The following ADH5 variants were observed in gnomAD, a reference collection of about 807,000 sequenced individuals.
The protein encoded by ADH5 is alcohol dehydrogenase 5 (class III), chi polypeptide.
ADH5 carries 32 observed loss-of-function variants against 40.3 expected under a neutral mutation model. The observed-to-expected ratio is 0.79, with a 90% confidence interval of 0.60 to 1.07. The LOEUF (loss-of-function observed/expected upper bound fraction) is 1.07. Ranked by LOEUF, ADH5 falls within the 50% of genes least tolerant of loss-of-function variation. The pLI is 0.00. For missense variants in ADH5, 353 were observed against 460.5 expected, an observed-to-expected ratio of 0.77 and a Z score of 2.14; for synonymous variants, 125 against 154.3, an observed-to-expected ratio of 0.81 and a Z score of 1.41.
chr4:99,085,473 C>T (rs1560756614), intron 1 of ADH5: 1 of 346,236 alleles, frequency 2.9e-6, no homozygotes, highest in Non-Finnish European at 5.3e-6. Flanking sequence ...TATTTAATGG[C>T]CTTCTACAGT....
In ADH5 at chr4:99,071,631, A is replaced by C. The variant is rs545507335; in HGVS notation, c.*786T>G. 2.6e-5 allele frequency: 4 copies of C among 152,382 alleles called. No individual in the cohort carries two copies. The highest frequency in any genetic ancestry group is 1.9e-4 in the East Asian group (1 of 5,194). 9.4% of individuals were successfully genotyped at this position (152,382 alleles called of 1,614,324 possible). ...GGTTATACACAGTGAAAGTACAACA[A>C]CACAGGAATGATAAACATCAAATTG... On this transcript the variant is annotated 3_prime_UTR_variant, in exon 9 of 9. Transcript: ENST00000296412.
At position 99,076,311 on chromosome 4, in the gene ADH5, A is replaced by G. The variant is rs1281376624; in HGVS notation, c.806T>C (p.Ile269Thr). The G allele has an allele frequency of 6.2e-7, 1 of 1,613,936 alleles. No individual in the cohort carries two copies. The highest frequency in any genetic ancestry group is 2.2e-5 in the East Asian group (1 of 44,904). Reference sequence around the variant, plus strand: ...ACTCACCATGACCTTCACATTACCAATACATTCAAAGGAATAGTCCACTCC... The same window carrying G: ...ACTCACCATGACCTTCACATTACCAGTACATTCAAAGGAATAGTCCACTCC... ...DGGVDYSFEC[I>T]GNVKVMRAAL... The change falls in exon 6 of 9, where the codon ATT (isoleucine) becomes ACT (threonine). Residue 269 changes from isoleucine to threonine, a missense_variant. By Grantham distance (89) the Ile-to-Thr change is moderately conservative (BLOSUM62 -1). Transcript: ENST00000296412.
rs753675405 is a variant in ADH5 at position 99,085,155 on chromosome 4, A to G, written c.74T>C (p.Ile25Thr). Residue 25 changes from isoleucine (I) to threonine (T), a missense_variant, in exon 2 of 9, where the codon ATA becomes ACA. Coordinates refer to ENST00000296412, the MANE Select transcript of ADH5 (RefSeq NM_000671.4). The part of the protein sequence containing the change: ...EAGKPLSIEE[I>T]EVAPPKAHEV... ...ATGAGCCTTTGGGGGTGCCACCTCT[A>G]TCTCCTCTATGGAGAGAGGCTTTCC... The G allele has an allele frequency of 2.6e-6, 4 of 1,550,604 alleles. No individual in the cohort carries two copies. The highest frequency in any genetic ancestry group is 2.3e-5 in the East Asian group (1 of 42,848).
chr4:99,075,679 A>G (rs527849430), intron 6 of ADH5: 1 of 152,538 alleles, frequency 6.6e-6, no homozygotes, highest in Non-Finnish European at 1.5e-5. Context: ...CTGAGTGTCT[A>G]TGTAGGTTTA....
rs901660741 is a variant in ADH5, at chr4:99,071,376, G to A, written c.*1041C>T. 5.3e-5 allele frequency: 8 copies of A among 152,224 alleles called. No individual in the cohort carries two copies. The highest frequency in any genetic ancestry group is 9.6e-5 in the African/African-American group (4 of 41,456). The allele number at this position is 152,224 out of a possible 1,614,324, so 9.4% of individuals were successfully genotyped here. On this transcript the variant is annotated 3_prime_UTR_variant, in exon 9 of 9. Coordinates refer to ENST00000296412, the MANE Select transcript of ADH5 (RefSeq NM_000671.4). ...AACACGCAGTGAGCCCAATGCAGAAGAATGTTCCACTACAGTGTTATAATA... is the reference window on the plus strand; with the variant it reads ...AACACGCAGTGAGCCCAATGCAGAAAAATGTTCCACTACAGTGTTATAATA...
chr4:99,076,205 T>C lies in ADH5; in HGVS notation c.825+87A>G. ...AAATTCTTATTAAGAGACTTTTCCT[T>C]TGCCAAAACAAAACAATTTTTAATC... is the stretch of plus-strand genomic sequence containing the variant. On this transcript the variant is annotated intron_variant, in intron 6 of 8. Coordinates refer to ENST00000296412, the MANE Select transcript of ADH5 (RefSeq NM_000671.4). 5 of 1,442,116 alleles carry C rather than the reference T, an allele frequency of 3.5e-6. No individual in the cohort carries two copies. The South Asian group carries it at 6.7e-5, about 19-fold the overall frequency. 89.3% of individuals were successfully genotyped at this position (1,442,116 alleles called of 1,614,324 possible).
rs17595424 is a variant in ADH5, at chr4:99,072,718, G to T, written c.962-7C>A. ...CTTTCTACACTCTTCCATCCTAAAA[G>T]AAATCACACATTAATTTATTCAACA... On this transcript the variant is annotated splice_polypyrimidine_tract_variant and splice_region_variant and intron_variant, in intron 7 of 8. Transcript: ENST00000296412. 144,941 of 1,597,514 alleles carry T rather than the reference G, an allele frequency of 0.091. 7,401 individuals are homozygous for T. The highest frequency in any genetic ancestry group is 0.1 in the Non-Finnish European group (120,078 of 1,173,672).
rs779584651 is a variant in ADH5 at position 99,076,473 on chromosome 4, C to T, written c.644G>A (p.Gly215Asp). Residue 215 changes from glycine (G) to aspartate (D), a missense_variant, in exon 6 of 9, where the codon GGT (glycine) becomes GAT (aspartate). Transcript: ENST00000296412. The part of the protein sequence containing the change: ...LAVIMGCKVA[G>D]ASRIIGVDIN... ...GTCCACACCAATGATCCGGGAAGCA[C>T]CAGCCACTTTACAGCCCATGATAAC... 1 of 1,614,058 alleles carries T rather than the reference C, an allele frequency of 6.2e-7. No homozygotes were observed. The highest frequency in any genetic ancestry group is 1.3e-5 in the African/African-American group (1 of 74,932).
At chr4:99,074,839 T>C (rs78862459) in intron 7 of ADH5, 75 bp downstream of exon 7, 1 of 1,457,036 alleles carries the variant, frequency 6.9e-7, no homozygotes, top group Non-Finnish European at 9.2e-7. Context: ...TAAAAAAAAT[T>C]AGGTGGCTGG....
intron 6 of ADH5, chr4:99,075,568 A>C (rs954022218): frequency 6.6e-6 from 1 of 152,206 alleles, no homozygotes; most frequent in African/African-American, 2.4e-5. Flanking sequence ...AATAATTTGA[A>C]GTGTTTATTT....
rs546385529 is a variant in ADH5 at position 99,071,312 on chromosome 4, A to G, written c.*1105T>C. ...TTTGAAGAGCAATTTGGCAATGTCT[A>G]TAAGGCTAAATGTGTTTATTCTGTG... On this transcript the variant is annotated 3_prime_UTR_variant, in exon 9 of 9. Transcript: ENST00000296412. 1.3e-5 allele frequency: 2 copies of G among 152,382 alleles called. No individual in the cohort carries two copies. The highest frequency in any genetic ancestry group is 4.8e-5 in the African/African-American group (2 of 41,594). 9.4% of individuals were successfully genotyped at this position (152,382 alleles called of 1,614,324 possible).
intron 4 of ADH5, among the ~76,000 whole-genome samples, chr4:99,077,148 C>G (rs1003762328): frequency 6.6e-6 from 1 of 152,158 alleles, no homozygotes; most frequent in African/African-American, 2.4e-5. Context: ...CACTATCCTT[C>G]TAGATCATAC....
At chr4:99,082,276 T>A (rs1560755428) in intron 2 of ADH5, among the ~76,000 whole-genome samples, 160 bp from the exon 3 acceptor site, 1 of 152,202 alleles carries the variant, frequency 6.6e-6, no homozygotes, top group Non-Finnish European at 1.5e-5. Flanking sequence ...GTGCTTATAA[T>A]CCATGGCATC....
chr4:99,075,701 T>C (rs28730625), intron 6 of ADH5: 10,750 of 152,848 alleles, frequency 0.07, 589 homozygotes, highest in African/African-American at 0.17. Context: ...GTAGGTGTTG[T>C]TACTACAGGT....
intron 1 of ADH5, among the ~76,000 whole-genome samples, chr4:99,086,212 A>T (rs1728131062): frequency 6.6e-6 from 1 of 152,190 alleles, no homozygotes; most frequent in Admixed American, 6.5e-5. Context: ...ATTTAACATA[A>T]TTAAAATATT....
intron 1 of ADH5, among the ~76,000 whole-genome samples, chr4:99,086,274 C>T (rs1003993001): frequency 3.7e-5 from 2 of 54,158 alleles, no homozygotes; most frequent in South Asian, 1.0e-3. Context: ...TAAAATTACA[C>T]GTGACTAATT....
chr4:99,081,273 T>C (rs984690862), intron 4 of ADH5, 92 bp downstream of exon 4: 1 of 830,814 alleles, frequency 1.2e-6, no homozygotes. Flanking sequence ...ACCTAAATTA[T>C]TAAATAATTC....
At chr4:99,087,624 A>T (rs772378582) in intron 1 of ADH5, among the ~76,000 whole-genome samples, 7 of 152,112 alleles carry the variant, frequency 4.6e-5, no homozygotes, top group African/African-American at 1.4e-4. Flanking sequence ...AAGAATACTA[A>T]ATTTGATGGC....
At chr4:99,088,285 A>G (rs771506736) in intron 1 of ADH5, among the ~76,000 whole-genome samples, 24 of 152,192 alleles carry the variant, frequency 1.6e-4, no homozygotes, top group Non-Finnish European at 3.1e-4. Flanking sequence ...AGTTAGAAGC[A>G]CGGGATCTGG....
Sources: gnomAD v4.1 joint callset for allele counts (sites outside exome capture counted in the v4.1 genomes callset) on GRCh38, gnomAD v4.1.1 for gene constraint, MANE v1.5 for transcripts, NCBI Gene and HGNC (gene_info 2026-07-23, HGNC 2026-07-21) for gene names.